Variants in CCDC158 observed in about 807,000 individuals in gnomAD.
CCDC158 encodes the protein coiled-coil domain containing 158.
Under a neutral mutation model 138.6 loss-of-function variants are expected in CCDC158, and 116 were observed. The ratio of observed to expected loss-of-function variants is 0.84; its 90% CI spans 0.72 to 0.98. The LOEUF (loss-of-function observed/expected upper bound fraction) is 0.98, where lower values mean the gene tolerates loss of function less well. Among genes scored for constraint, CCDC158 ranks in the 50% least tolerant of loss-of-function variants. The probability of loss-of-function intolerance (pLI) is 0.00; values close to 1 mark genes in which losing one functional copy is unlikely to be tolerated. For missense variants in CCDC158, 1,265 were observed against 1,306.1 expected (o/e 0.97, Z 0.48); for synonymous variants, 436 against 442.4 (o/e 0.99, Z 0.18).
Position 76,379,351 on chromosome 4 carries a change from T to C in CCDC158, c.968A>G (p.Glu323Gly). The C allele has an allele frequency of 6.2e-7, 1 of 1,610,808 alleles. No individual in the cohort carries two copies. Among genetic ancestry groups the C allele is most frequent in the Non-Finnish European group, 8.5e-7 (1 of 1,178,996 alleles). ...SMYMRQLSDL[E>G]STVSQLRSEL... ...AGAACGTAGCTGAGAAACAGTAGAT[T>C]CCAGATCGCTGAGCTGACGCATATA... The change falls in exon 9 of 25, where the codon GAA (glutamate) becomes GGA (glycine). Residue 323 changes from glutamate to glycine, a missense_variant. Glu to Gly is a moderately conservative substitution (Grantham distance 98, BLOSUM62 -2). Coordinates refer to ENST00000682701, the MANE Select transcript of CCDC158 (RefSeq NM_001394954.1).
At chr4:76,396,712 A>G (rs146050669) in intron 3 of CCDC158, among the ~76,000 whole-genome samples, 1,611 of 151,930 alleles carry the variant, frequency 0.011, 26 homozygotes, top group African/African-American at 0.037. Context: ...GGGTTTCACC[A>G]TGTTAGCCAT....
intron 18 of CCDC158, among the ~76,000 whole-genome samples, chr4:76,335,789 T>C (rs10018036): frequency 0.026 from 4,030 of 152,240 alleles, 177 homozygotes; most frequent in African/African-American, 0.092. Context: ...CCCTGGATGA[T>C]CTCAAACTCC....
rs746903372 is a variant in CCDC158 at position 76,403,247 on chromosome 4, G to A, written c.-40C>T. 1 of 1,377,196 alleles carries A rather than the reference G, an allele frequency of 7.3e-7. No homozygotes were observed. The allele number at this position is 1,377,196 out of a possible 1,614,324, so 85.3% of individuals were successfully genotyped here. A position where few individuals can be genotyped will look rare whatever the true frequency, so the allele number is the denominator to read the frequency against. ...CTTCTTATTAGAGATCTTGAAGTATGAATGGTTCCCTCTTTGGTTCTTTTG... is the reference window on the plus strand; with the variant it reads ...CTTCTTATTAGAGATCTTGAAGTATAAATGGTTCCCTCTTTGGTTCTTTTG... On this transcript the variant is annotated 5_prime_UTR_variant, in exon 3 of 25. Coordinates refer to ENST00000682701, the MANE Select transcript of CCDC158 (RefSeq NM_001394954.1).
At chr4:76,369,215 A>T (rs1363319130) in intron 11 of CCDC158, among the ~76,000 whole-genome samples, 3 of 151,972 alleles carry the variant, frequency 2.0e-5, no homozygotes, top group African/African-American at 7.3e-5. Context: ...ACGCCATCTA[A>T]AAATAAATAA....
intron 18 of CCDC158, among the ~76,000 whole-genome samples, chr4:76,336,380 A>G (rs1039337216): frequency 6.6e-6 from 1 of 152,104 alleles, no homozygotes; most frequent in Non-Finnish European, 1.5e-5. Flanking sequence ...GTCTTTATAT[A>G]TTCCATTACA....
intron 3 of CCDC158, among the ~76,000 whole-genome samples, chr4:76,397,807 A>G (rs558193183): frequency 6.6e-5 from 10 of 152,352 alleles, no homozygotes; most frequent in African/African-American, 2.4e-4. Flanking sequence ...TCCTAGACAC[A>G]ATGGCACCTC....
chr4:76,325,030 C>T (rs770094549), intron 23 of CCDC158, among the ~76,000 whole-genome samples: 2 of 152,156 alleles, frequency 1.3e-5, no homozygotes, highest in African/African-American at 2.4e-5. Context: ...TAGGTTTGCA[C>T]ACACTTGCCC....
At chr4:76,380,571 A>G (rs555610740) in intron 8 of CCDC158, among the ~76,000 whole-genome samples, 2 of 152,306 alleles carry the variant, frequency 1.3e-5, no homozygotes, top group South Asian at 4.1e-4. Flanking sequence ...TTACAAAGAG[A>G]TGGTGTGAAA....
intron 1 of CCDC158, among the ~76,000 whole-genome samples, chr4:76,414,619 C>G (rs77217979): frequency 6.6e-6 from 1 of 152,180 alleles, no homozygotes. Flanking sequence ...GTGGGAGGGA[C>G]CCAGGATGAG....
At chr4:76,366,456 A>AT (rs943884336) in intron 12 of CCDC158, among the ~76,000 whole-genome samples, 1 of 151,648 alleles carries the variant, frequency 6.6e-6, no homozygotes, top group Admixed American at 6.6e-5. Context: ...TATGAAATCA[A>AT]TTTTTTTAAA....
intron 4 of CCDC158, among the ~76,000 whole-genome samples, chr4:76,390,848 A>C (rs1727244199): frequency 6.6e-6 from 1 of 152,224 alleles, no homozygotes; most frequent in South Asian, 2.1e-4. Flanking sequence ...ATATCAGACA[A>C]AATAGATTTA....
chr4:76,377,386 T>G (rs1449670200), intron 9 of CCDC158, among the ~76,000 whole-genome samples: 1 of 152,200 alleles, frequency 6.6e-6, no homozygotes, highest in Non-Finnish European at 1.5e-5. Flanking sequence ...TATGCATTAT[T>G]ATATTGGACT....
At chr4:76,317,354 C>G (rs1346549558) in intron 24 of CCDC158, among the ~76,000 whole-genome samples, 1 of 152,086 alleles carries the variant, frequency 6.6e-6, no homozygotes, top group Non-Finnish European at 1.5e-5. Flanking sequence ...ACAAAACCCA[C>G]TTTAAAGCAA....
At chr4:76,388,484 C>T (rs1414116325) in intron 4 of CCDC158, among the ~76,000 whole-genome samples, 1 of 152,124 alleles carries the variant, frequency 6.6e-6, no homozygotes, top group Non-Finnish European at 1.5e-5. Context: ...GTGGTAGCCA[C>T]AGGGAGAAGC....
At position 76,379,289 on chromosome 4, in the gene CCDC158, C is replaced by T. The variant is rs1428822876; in HGVS notation, c.1029+1G>A. The T allele has an allele frequency of 1.9e-6, 3 of 1,585,808 alleles. No individual in the cohort carries two copies. The highest frequency in any genetic ancestry group is 1.2e-5 in the South Asian group (1 of 86,660). On this transcript the variant is annotated splice_donor_variant, in intron 9 of 24. Transcript: ENST00000682701. LOFTEE classifies it high-confidence loss of function. ...AACAGACCAGCAAAACCTAAACTCA[C>T]CTTGTCTTCATACATCCTTTTGGCT...
At chr4:76,348,953 C>T (rs1722816212) in intron 18 of CCDC158, among the ~76,000 whole-genome samples, 1 of 152,180 alleles carries the variant, frequency 6.6e-6, no homozygotes, top group Non-Finnish European at 1.5e-5. Context: ...ATCCATGCAT[C>T]AGGAAGACCA....
intron 2 of CCDC158, among the ~76,000 whole-genome samples, chr4:76,403,846 T>C (rs1579093414): frequency 6.6e-6 from 1 of 152,068 alleles, no homozygotes; most frequent in South Asian, 2.1e-4. Flanking sequence ...GAAATCTTTT[T>C]CCAAAACAAT....
chr4:76,350,985 T>G lies in CCDC158; in HGVS notation c.2664+11A>C. 1 of 1,612,068 alleles carries G rather than the reference T, an allele frequency of 6.2e-7. No homozygotes were observed. The highest frequency in any genetic ancestry group is 8.5e-7 in the Non-Finnish European group (1 of 1,179,022). On this transcript the variant is annotated intron_variant, in intron 18 of 24. Coordinates refer to ENST00000682701, the MANE Select transcript of CCDC158 (RefSeq NM_001394954.1). ...TCATTTGCGTAATGGATCATAAGAC[T>G]GGTTACTTACATGAGACAGGAAGCT...
At position 76,367,651 on chromosome 4, in the gene CCDC158, C is replaced by T; in HGVS notation, c.1473G>A (p.Leu491=). 1 of 1,614,200 alleles carries T rather than the reference C, an allele frequency of 6.2e-7. No homozygotes were observed. Among genetic ancestry groups the T allele is most frequent in the African/African-American group, 1.3e-5 (1 of 75,046 alleles). The change falls in exon 12 of 25, where the codon CTG becomes CTA. Residue 491 remains leucine (L), a synonymous_variant. Coordinates refer to ENST00000682701, the MANE Select transcript of CCDC158 (RefSeq NM_001394954.1). ...VEELTAKKMT[L]ESSERTISDL... ...CCGATATTGTCCTCTCTGAGCTCTC[C>T]AGAGTCATTTTCTTGGCTGTCAACT... is the stretch of plus-strand genomic sequence containing the variant.
Sources: gnomAD v4.1 joint callset for allele counts (sites outside exome capture counted in the v4.1 genomes callset) on GRCh38, gnomAD v4.1.1 for gene constraint, MANE v1.5 for transcripts, NCBI Gene and HGNC (gene_info 2026-07-23, HGNC 2026-07-21) for gene names.